FAM171A1: variants seen among roughly 807,000 people sequenced by gnomAD.
FAM171A1 encodes the protein protein FAM171A1.
Under a neutral mutation model 74.9 loss-of-function variants are expected in FAM171A1, and 23 were observed. The ratio of observed to expected loss-of-function variants is 0.31; its 90% CI spans 0.22 to 0.44. The LOEUF is 0.44. Ranked by LOEUF, FAM171A1 falls within the 20% of genes least tolerant of loss-of-function variation. FAM171A1 has a pLI of 1.00. For missense variants in FAM171A1, 1,162 were observed against 1,159.2 expected (o/e 1.00, Z -0.03); for synonymous variants, 527 against 505.7 (o/e 1.04, Z -0.57).
chr10:15,243,789 T>C (rs1183668107), intron 5 of FAM171A1, among the ~76,000 whole-genome samples: 1 of 95,030 alleles, frequency 1.1e-5, no homozygotes, highest in African/African-American at 3.6e-5. Context: ...ATTCTATGTA[T>C]ACAGTCAATG....
At chr10:15,277,546 T>C (rs1207480991) in intron 2 of FAM171A1, among the ~76,000 whole-genome samples, 1 of 152,150 alleles carries the variant, frequency 6.6e-6, no homozygotes, top group Non-Finnish European at 1.5e-5. Context: ...ATTATTAACA[T>C]GCCCATTTCA....
intron 3 of FAM171A1, among the ~76,000 whole-genome samples, chr10:15,263,749 A>G (rs867865810): frequency 0.017 from 2,168 of 124,756 alleles, 21 homozygotes; most frequent in Non-Finnish European, 0.026. Flanking sequence ...CTGTCTATCT[A>G]TCTATCTATC....
intron 1 of FAM171A1, among the ~76,000 whole-genome samples, chr10:15,363,474 C>T (rs544329911): frequency 6.6e-6 from 1 of 152,290 alleles, no homozygotes; most frequent in Admixed American, 6.5e-5. Flanking sequence ...AAAGATGCTA[C>T]CTTAACCTGT....
chr10:15,255,939 C>T (rs531032042), intron 3 of FAM171A1, among the ~76,000 whole-genome samples: 80 of 152,224 alleles, frequency 5.3e-4, no homozygotes, highest in African/African-American at 1.7e-3. Context: ...TGAGCCACCG[C>T]GCCTGGCCCA....
rs550491754 is a variant in FAM171A1, at chr10:15,299,028, C to T, written c.98-14923G>A. On this transcript the variant is annotated intron_variant, in intron 1 of 7. Transcript: ENST00000378116. ...CTCTACCTCCCAGGTTCAAGTGATG[C>T]TCCTGCCTCAGACTCCTGGGTAGCT... Among the ~76,000 whole-genome samples the T allele has an allele frequency of 6.6e-5, 10 of 152,282 alleles. No individual in the cohort carries two copies. In the East Asian group the frequency reaches 1.9e-3, roughly 29 times the overall value.
At chr10:15,331,109 C>G (rs60432713) in intron 1 of FAM171A1, among the ~76,000 whole-genome samples, 67,250 of 151,886 alleles carry the variant, frequency 0.44, 15,171 homozygotes, top group Non-Finnish European at 0.5. Context: ...AGGCTGGTCT[C>G]AAACTCCTGA....
intron 5 of FAM171A1, among the ~76,000 whole-genome samples, chr10:15,227,281 G>A (rs761202215): frequency 6.6e-6 from 1 of 151,918 alleles, no homozygotes; most frequent in Non-Finnish European, 1.5e-5. Context: ...GATTATAGGT[G>A]TGAGCCACTG....
intron 5 of FAM171A1, 39 bp downstream of exon 5, chr10:15,248,600 C>T: frequency 6.4e-7 from 1 of 1,552,914 alleles, no homozygotes; most frequent in Non-Finnish European, 8.7e-7. Flanking sequence ...GTAACGAAGC[C>T]ATCTGGTAGC....
intron 1 of FAM171A1, among the ~76,000 whole-genome samples, chr10:15,354,786 G>A (rs377707626): frequency 6.6e-6 from 1 of 152,172 alleles, no homozygotes. Context: ...ACAGACGATA[G>A]GTGAATGGTA....
upstream of FAM171A1, among the ~76,000 whole-genome samples, chr10:15,372,361 AAC>A (rs1475609747): frequency 6.6e-6 from 1 of 152,130 alleles, no homozygotes; most frequent in Non-Finnish European, 1.5e-5. Flanking sequence ...ATTCTAATAA[AAC>A]AGTCAGTCTG....
At chr10:15,370,571 G>A (rs552128658) in intron 1 of FAM171A1, among the ~76,000 whole-genome samples, 1 of 151,974 alleles carries the variant, frequency 6.6e-6, no homozygotes, top group Non-Finnish European at 1.5e-5. Context: ...CGATCGGGCG[G>A]CGCGCCCTGG....
intron 5 of FAM171A1, among the ~76,000 whole-genome samples, chr10:15,233,264 C>T (rs541893270): frequency 6.6e-6 from 1 of 152,044 alleles, no homozygotes; most frequent in East Asian, 1.9e-4. Flanking sequence ...CACTACACTC[C>T]AGCCTGGGTG....
At chr10:15,365,047 T>C (rs866776949) in intron 1 of FAM171A1, among the ~76,000 whole-genome samples, 22 of 152,178 alleles carry the variant, frequency 1.4e-4, no homozygotes, top group Middle Eastern at 3.2e-3. Flanking sequence ...CTGGGGGCCA[T>C]TATTCTACTA....
At chr10:15,240,876 C>CAA in intron 5 of FAM171A1, 6 of 248,104 alleles carry the variant, frequency 2.4e-5, no homozygotes, top group Non-Finnish European at 3.2e-5. Context: ...CCTATCTCTA[C>CAA]AAAAAAAAAA....
chr10:15,249,152 G>A (rs973726285), intron 4 of FAM171A1, among the ~76,000 whole-genome samples: 7 of 147,776 alleles, frequency 4.7e-5, no homozygotes, highest in East Asian at 2.0e-4. Flanking sequence ...GCTGGAGTGC[G>A]ATGGCACAAT....
intron 3 of FAM171A1, among the ~76,000 whole-genome samples, chr10:15,269,480 G>C (rs549471642): frequency 6.6e-6 from 1 of 152,234 alleles, no homozygotes; most frequent in Non-Finnish European, 1.5e-5. Context: ...CACAAGCATT[G>C]TCAATTCTAA....
upstream of FAM171A1, among the ~76,000 whole-genome samples, chr10:15,371,364 G>C (rs1156841879): frequency 6.8e-6 from 1 of 146,170 alleles, no homozygotes; most frequent in Non-Finnish European, 1.5e-5. Flanking sequence ...CCACCTGGCG[G>C]CTGCGGCGCC....
At chr10:15,237,641 A>G (rs1331816896) in intron 5 of FAM171A1, 1 of 152,148 alleles carries the variant, frequency 6.6e-6, no homozygotes, top group African/African-American at 2.4e-5. Context: ...GTCACAACTG[A>G]CCGCCTGGCT....
At chr10:15,255,689 G>T (rs1477500323) in intron 3 of FAM171A1, among the ~76,000 whole-genome samples, 1 of 147,408 alleles carries the variant, frequency 6.8e-6, no homozygotes, top group Non-Finnish European at 1.5e-5. Context: ...TGCTCTTGTC[G>T]CCCAGGCTGG....
Sources: gnomAD v4.1 joint callset for allele counts (sites outside exome capture counted in the v4.1 genomes callset) on GRCh38, gnomAD v4.1.1 for gene constraint, MANE v1.5 for transcripts, NCBI Gene and HGNC (gene_info 2026-07-23, HGNC 2026-07-21) for gene names.